PMS2: variants seen among roughly 807,000 people sequenced by gnomAD.
PMS2 encodes mismatch repair endonuclease PMS2.
In PMS2, 69 loss-of-function variants were observed where a neutral mutation model predicts 90.0. The observed-to-expected ratio is 0.77, with a 90% confidence interval of 0.63 to 0.94. The LOEUF is 0.94. Among genes scored for constraint, PMS2 ranks in the 40% least tolerant of loss-of-function variants. The pLI, the probability that PMS2 is intolerant of heterozygous loss-of-function variation, is 0.00. For missense variants in PMS2, 966 were observed against 1,040.2 expected (o/e 0.93, Z 0.98); for synonymous variants, 332 against 375.1 (o/e 0.89, Z 1.33).
chr7:5,990,384 C>T, intron 9 of PMS2, among the ~76,000 whole-genome samples: 1 of 152,170 alleles, frequency 6.6e-6, no homozygotes, highest in East Asian at 1.9e-4. Flanking sequence ...CTATTAAAAA[C>T]ATTACAGTGT....
At chr7:5,999,339 A>G in intron 5 of PMS2, 64 bp from the exon 6 acceptor site, 5 of 1,392,950 alleles carry the variant, frequency 3.6e-6, no homozygotes, top group Non-Finnish European at 5.1e-6. Context: ...TACACAGCTC[A>G]AGTTACAACA....
chr7:6,004,292 G>C, intron 2 of PMS2: 2 of 394,928 alleles, frequency 5.1e-6, no homozygotes, highest in Non-Finnish European at 9.1e-6. Context: ...CCCTAGGCTA[G>C]TGAAGTGAAG....
intron 8 of PMS2, among the ~76,000 whole-genome samples, chr7:5,995,225 C>T (rs1490636088): frequency 6.6e-6 from 1 of 151,808 alleles, no homozygotes; most frequent in South Asian, 2.1e-4. Context: ...TTAGTAGAGA[C>T]GGGGTTTTGT....
rs1554308925 is a variant in PMS2, at chr7:6,008,986, G to A, written c.23+11C>T. ...GAGAGGGGACACCGGAAGACTGCGA[G>A]CCCCGCTCACCTCGAGCTCTCAGCT... On this transcript the variant is annotated intron_variant, in intron 1 of 14. Coordinates refer to ENST00000265849, the MANE Select transcript of PMS2 (RefSeq NM_000535.7). 1.9e-6 allele frequency: 3 copies of A among 1,612,648 alleles called. No homozygotes were observed. Among genetic ancestry groups the A allele is most frequent in the South Asian group, 2.2e-5 (2 of 91,022 alleles).
At chr7:5,990,389 C>T (rs571571295) in intron 9 of PMS2, among the ~76,000 whole-genome samples, 453 of 152,252 alleles carry the variant, frequency 3.0e-3, no homozygotes, top group African/African-American at 0.011. Flanking sequence ...AAAAACATTA[C>T]AGTGTCCAGG....
intron 6 of PMS2, among the ~76,000 whole-genome samples, chr7:5,998,263 G>A (rs1310875258): frequency 2.0e-5 from 3 of 150,904 alleles, no homozygotes; most frequent in Non-Finnish European, 3.0e-5. Flanking sequence ...TGTATTTTTA[G>A]TAGAGATGGG....
rs1180615 is a variant in PMS2 at position 5,972,874 on chromosome 7, T to C, written c.*525A>G. 0.33 allele frequency among the ~76,000 whole-genome samples: 14,983 copies of C among 44,754 alleles called. 4,761 individuals are homozygous for C. The highest frequency in any genetic ancestry group is 0.52 in the East Asian group (530 of 1,016). The allele number at this position is 44,754 out of a possible 152,430, so 29.4% of individuals were successfully genotyped here. A position where few individuals can be genotyped will look rare whatever the true frequency, so the allele number is the denominator to read the frequency against. ...TTTTGTTTTTTGAGACACAGTCTTGTTCTATCTCACCCAGGCTGGAGCGCA... is the reference window on the plus strand; with the variant it reads ...TTTTGTTTTTTGAGACACAGTCTTGCTCTATCTCACCCAGGCTGGAGCGCA... On this transcript the variant is annotated 3_prime_UTR_variant, in exon 15 of 15. Transcript: ENST00000265849.
chr7:5,977,452 C>G (rs1376685843), intron 14 of PMS2, 136 bp downstream of exon 14: 1 of 766,862 alleles, frequency 1.3e-6, no homozygotes, highest in East Asian at 2.9e-5. Flanking sequence ...CGACGCTGCA[C>G]GTAGCTCTCT....
chr7:6,006,338 A>G (rs569569606), intron 1 of PMS2, among the ~76,000 whole-genome samples: 1 of 152,284 alleles, frequency 6.6e-6, no homozygotes, highest in Admixed American at 6.5e-5. Flanking sequence ...TTTGGCAACA[A>G]TGGTGTCTTC....
chr7:5,987,195 G>A lies in PMS2; in HGVS notation c.1570C>T (p.Pro524Ser), dbSNP rs756127972. Residue 524 changes from proline (P) to serine (S), a missense_variant, in exon 11 of 15, where the codon CCA becomes TCA. By Grantham distance (74) the Pro-to-Ser change is moderately conservative (BLOSUM62 -1). This residue lies in a region of PMS2 where 871 missense variants were observed against 802.4 expected (regional missense o/e 1.09). Transcript: ENST00000265849. ...HCSSEYAASS[P>S]GDRGSQEHVD... ...TGTTCCTGCGAGCCCCTGTCCCCTG[G>A]GGAGCTGGCCGCATACTCGCTGCTG... 4 of 1,614,054 alleles carry A rather than the reference G, an allele frequency of 2.5e-6. No individual in the cohort carries two copies. The South Asian group carries it at 4.4e-5, about 18-fold the overall frequency.
chr7:5,978,677 T>G lies in PMS2; in HGVS notation c.2194A>C (p.Thr732Pro). The change falls in exon 13 of 15, where the codon ACT (threonine) becomes CCT (proline). Residue 732 changes from threonine (T) to proline (P), a missense_variant. Transcript: ENST00000265849. ...ATCAGAACAGCTTCATTAACAGCAG[T>G]TAAGTTGAGAGTCTGAGGTCTGAAA... ...RLIAPQTLNLTAVNEAVLIEN... is the reference protein window; with the variant it reads ...RLIAPQTLNLPAVNEAVLIEN... The G allele has an allele frequency of 6.3e-7, 1 of 1,596,632 alleles. No individual in the cohort carries two copies. Among genetic ancestry groups the G allele is most frequent in the African/African-American group, 1.4e-5 (1 of 73,518 alleles).
At chr7:6,007,032 A>C (rs1785853976) in intron 1 of PMS2, among the ~76,000 whole-genome samples, 1 of 152,102 alleles carries the variant, frequency 6.6e-6, no homozygotes, top group Non-Finnish European at 1.5e-5. Flanking sequence ...CATTGGGGCC[A>C]AAACTACCTT....
At chr7:5,982,412 C>T (rs1782382194) in intron 12 of PMS2, among the ~76,000 whole-genome samples, 1 of 152,176 alleles carries the variant, frequency 6.6e-6, no homozygotes, top group Non-Finnish European at 1.5e-5. Flanking sequence ...CCATGTTGGT[C>T]AGGCTGGTCT....
At chr7:5,996,405 A>G (rs1019400069) in intron 7 of PMS2, among the ~76,000 whole-genome samples, 1 of 151,456 alleles carries the variant, frequency 6.6e-6, no homozygotes, top group Admixed American at 6.6e-5. Flanking sequence ...AATACAAAAA[A>G]TCAGCCGGGC....
intron 6 of PMS2, among the ~76,000 whole-genome samples, 168 bp from the exon 7 acceptor site, chr7:5,997,591 C>T (rs1207235082): frequency 6.6e-6 from 1 of 152,124 alleles, no homozygotes; most frequent in Non-Finnish European, 1.5e-5. Context: ...ATTGCCCAGG[C>T]TGGAGTACAA....
At chr7:5,992,614 C>T (rs1428031457) in intron 8 of PMS2, among the ~76,000 whole-genome samples, 1 of 152,196 alleles carries the variant, frequency 6.6e-6, no homozygotes, top group Admixed American at 6.5e-5. Flanking sequence ...GCCACTACAC[C>T]TGGCCTAAGG....
At chr7:5,994,059 A>G (rs1162916919) in intron 8 of PMS2, among the ~76,000 whole-genome samples, 1 of 151,850 alleles carries the variant, frequency 6.6e-6, no homozygotes, top group African/African-American at 2.4e-5. Flanking sequence ...ATATGCAGAT[A>G]CAAACACACT....
At position 6,004,050 on chromosome 7, in the gene PMS2, G is replaced by A. The variant is rs1465172427; in HGVS notation, c.172C>T (p.Leu58Phe). Residue 58 changes from leucine (L) to phenylalanine (F), a missense_variant, in exon 3 of 15, where the codon CTT (leucine) becomes TTT (phenylalanine). Leu to Phe is a conservative substitution (Grantham distance 22). Around this residue, in one of 2 missense-constraint regions of PMS2, gnomAD observed 871 missense variants for 802.4 expected, o/e 1.09. Transcript: ENST00000265849. ...DAGATNIDLK[L>F]KDYGVDLIEV... is the part of the protein sequence containing the mutation. ...ATAAGATCCACTCCATAGTCCTTAA[G>A]CTTTAGATCTAGAAAGTTTAAAATA... The A allele has an allele frequency of 3.2e-6, 5 of 1,566,472 alleles. No individual in the cohort carries two copies. The highest frequency in any genetic ancestry group is 4.4e-6 in the Non-Finnish European group (5 of 1,139,202).
At chr7:6,001,154 T>A (rs992111222) in intron 5 of PMS2, among the ~76,000 whole-genome samples, 1 of 152,166 alleles carries the variant, frequency 6.6e-6, no homozygotes, top group Admixed American at 6.6e-5. Context: ...CATCCAAGGA[T>A]AACTGCTGAG....
Sources: gnomAD v4.1 joint callset for allele counts (sites outside exome capture counted in the v4.1 genomes callset) on GRCh38, gnomAD v4.1.1 for gene constraint, gnomAD v4.1.1 regional missense constraint, MANE v1.5 for transcripts, NCBI Gene and HGNC (gene_info 2026-07-23, HGNC 2026-07-21) for gene names.